The following STK10 variants were observed in gnomAD, a reference collection of about 807,000 sequenced individuals.
The protein encoded by STK10 is serine/threonine kinase 10.
STK10 carries 78 observed loss-of-function variants against 113.8 expected under a neutral mutation model. That is an observed-to-expected ratio of 0.69 (90% CI 0.57 to 0.83). The LOEUF (loss-of-function observed/expected upper bound fraction) is 0.83. STK10 is among the 40% of genes least tolerant of loss of function. STK10 has a pLI of 0.00. For missense variants in STK10, 1,109 were observed against 1,280.1 expected (o/e 0.87, Z 2.04); for synonymous variants, 465 against 494.7 (o/e 0.94, Z 0.80).
intron 2 of STK10, among the ~76,000 whole-genome samples, chr5:172,128,596 GC>G (rs955418103): frequency 1.3e-5 from 2 of 152,198 alleles, no homozygotes; most frequent in African/African-American, 4.8e-5. Context: ...CTCCCAAAGT[GC>G]TGGGATTACA....
intron 5 of STK10, 62 bp downstream of exon 5, chr5:172,107,718 G>A: frequency 1.3e-6 from 2 of 1,551,256 alleles, no homozygotes; most frequent in Non-Finnish European, 1.8e-6. Context: ...AAAGCGCCTG[G>A]TGGTCACCTT....
intron 4 of STK10, among the ~76,000 whole-genome samples, chr5:172,116,307 C>T (rs1769382823): frequency 6.6e-6 from 1 of 152,014 alleles, no homozygotes; most frequent in African/African-American, 2.4e-5. Flanking sequence ...GTCCTGAACT[C>T]CTGACCTCAG....
intron 9 of STK10, chr5:172,092,722 G>A (rs1768745994): frequency 6.6e-6 from 1 of 152,322 alleles, no homozygotes; most frequent in East Asian, 1.9e-4. Flanking sequence ...GGTGACCCAT[G>A]GTGAGTTTAG....
chr5:172,186,266 A>G (rs1182829546), intron 1 of STK10, among the ~76,000 whole-genome samples: 2 of 151,218 alleles, frequency 1.3e-5, no homozygotes, highest in Admixed American at 1.3e-4. Flanking sequence ...ATAGAGTGAG[A>G]CTCCGTCTCA....
At chr5:172,052,186 C>T (rs771014499) in intron 18 of STK10, among the ~76,000 whole-genome samples, 5 of 152,214 alleles carry the variant, frequency 3.3e-5, no homozygotes, top group Admixed American at 6.5e-5. Flanking sequence ...ATTCAAAGCA[C>T]GAGGAGGTCT....
At chr5:172,121,744 T>TG (rs1769515744) in intron 3 of STK10, among the ~76,000 whole-genome samples, 1 of 152,050 alleles carries the variant, frequency 6.6e-6, no homozygotes, top group Non-Finnish European at 1.5e-5. Context: ...TTTTTTGTTT[T>TG]TTGGAGACAG....
chr5:172,047,638 C>T (rs1224015845), intron 18 of STK10, among the ~76,000 whole-genome samples: 3 of 152,190 alleles, frequency 2.0e-5, no homozygotes, highest in Non-Finnish European at 2.9e-5. Flanking sequence ...AAGGCCATCA[C>T]ACAGCTGAGA....
At chr5:172,114,017 C>T (rs995715985) in intron 4 of STK10, among the ~76,000 whole-genome samples, 1 of 152,136 alleles carries the variant, frequency 6.6e-6, no homozygotes, top group African/African-American at 2.4e-5. Flanking sequence ...TTCCTACACA[C>T]ATCGTTTATA....
rs139576831 is a variant in STK10 at position 172,125,877 on chromosome 5, A to G, written c.370+1496T>C. On this transcript the variant is annotated intron_variant, in intron 3 of 18. Transcript: ENST00000176763. ...GAATTTTAAAAAAAATTTTAGCATT[A>G]TATTTTTGGGATTTTGATCTTTCGG... Among the ~76,000 whole-genome samples, 363 of 152,294 alleles carry G rather than the reference A, an allele frequency of 2.4e-3. 1 individual carries two copies. The highest frequency in any genetic ancestry group is 8.5e-3 in the African/African-American group (352 of 41,558).
At chr5:172,148,998 C>T (rs1478703088) in intron 2 of STK10, among the ~76,000 whole-genome samples, 1 of 152,186 alleles carries the variant, frequency 6.6e-6, no homozygotes, top group African/African-American at 2.4e-5. Flanking sequence ...CCAGCCCTGT[C>T]TCTACAAAAA....
chr5:172,166,997 T>TA (rs1388090614), intron 1 of STK10, among the ~76,000 whole-genome samples: 1 of 151,816 alleles, frequency 6.6e-6, no homozygotes, highest in Non-Finnish European at 1.5e-5. Context: ...CCGTCTCTAC[T>TA]AAAAATACAA....
In STK10 at chr5:172,096,548, T is replaced by C. The variant is rs1405806562; in HGVS notation, c.883A>G (p.Ser295Gly). 1.2e-6 allele frequency: 2 copies of C among 1,613,462 alleles called. No individual in the cohort carries two copies. The highest frequency in any genetic ancestry group is 2.2e-5 in the East Asian group (1 of 44,888). Residue 295 changes from serine to glycine, a missense_variant, in exon 8 of 19, where the codon AGC becomes GGC. Transcript: ENST00000176763. ...AAQLLEHPFV[S>G]SITSNKALRE... ...AGAGCCTTGTTACTGGTGATGCTGC[T>C]GACGAAGGGATGCTGAGGGGGCAAG...
At chr5:172,058,157 T>C (rs1767849130) in intron 14 of STK10, among the ~76,000 whole-genome samples, 1 of 152,226 alleles carries the variant, frequency 6.6e-6, no homozygotes, top group Non-Finnish European at 1.5e-5. Flanking sequence ...CAGGAGATTA[T>C]GCTTGGCTCA....
chr5:172,048,413 C>CCACACACACACACACA (rs1767541063), intron 18 of STK10, among the ~76,000 whole-genome samples: 4 of 37,950 alleles, frequency 1.1e-4, no homozygotes, highest in African/African-American at 7.0e-4. Context: ...CTCCCTCTCC[C>CCACACACACACACACA]TACACACACA....
chr5:172,056,999 A>AGAGAGAG (rs1561790242), intron 15 of STK10: 4 of 79,606 alleles, frequency 5.0e-5, no homozygotes, highest in African/African-American at 2.1e-4. Flanking sequence ...AAGAAAGAGA[A>AGAGAGAG]AGAAGGAAAG....
At chr5:172,090,121 T>G (rs1581150262) in intron 10 of STK10, 111 bp downstream of exon 10, 1 of 1,469,534 alleles carries the variant, frequency 6.8e-7, no homozygotes, top group East Asian at 2.4e-5. Context: ...CCTCCTTGAT[T>G]CCCCCACTTC....
intron 1 of STK10, among the ~76,000 whole-genome samples, chr5:172,182,850 C>A (rs1270742589): frequency 6.6e-6 from 1 of 152,054 alleles, no homozygotes; most frequent in Non-Finnish European, 1.5e-5. Context: ...CCGCGCCCGG[C>A]CAATTTTTTG....
At chr5:172,079,808 C>T (rs1002709580) in intron 12 of STK10, among the ~76,000 whole-genome samples, 14 of 152,116 alleles carry the variant, frequency 9.2e-5, no homozygotes, top group Non-Finnish European at 1.8e-4. Context: ...GTGATCCGCC[C>T]GCCTGGGCCT....
chr5:172,062,307 G>A (rs747005999), intron 13 of STK10, among the ~76,000 whole-genome samples: 7 of 152,124 alleles, frequency 4.6e-5, no homozygotes, highest in Non-Finnish European at 8.8e-5. Flanking sequence ...TAGAAACCAC[G>A]GAATTAGTAA....
Sources: allele counts gnomAD v4.1 joint callset (sites outside exome capture counted in the v4.1 genomes callset), GRCh38; gene constraint gnomAD v4.1.1; transcripts MANE v1.5; gene names NCBI Gene and HGNC (gene_info 2026-07-23, HGNC 2026-07-21).